Variants in GANC observed in about 807,000 individuals in gnomAD.
GANC encodes the protein neutral alpha-glucosidase C.
GANC carries 117 observed loss-of-function variants against 124.2 expected under a neutral mutation model. The ratio of observed to expected loss-of-function variants is 0.94; its 90% CI spans 0.81 to 1.10. The LOEUF is 1.10. Ranked by LOEUF, GANC falls within the 50% of genes least tolerant of loss-of-function variation. The pLI is 0.00. For missense variants in GANC, 1,140 were observed against 1,095.0 expected (o/e 1.04, Z -0.58); for synonymous variants, 377 against 376.8 (o/e 1.00, Z -0.01).
chr15:42,302,107 G>A (rs1437154330), intron 6 of GANC, among the ~76,000 whole-genome samples: 19 of 152,150 alleles, frequency 1.2e-4, no homozygotes, highest in Admixed American at 1.0e-3. Context: ...GGAGAGCTCC[G>A]GCTGGCATCT....
At position 42,352,172 on chromosome 15, in the gene GANC, C is replaced by T. The variant is rs770214298; in HGVS notation, c.*33C>T. 6.2e-7 allele frequency: 1 copy of T among 1,610,784 alleles called. No individual in the cohort carries two copies. Among genetic ancestry groups the T allele is most frequent in the Non-Finnish European group, 8.5e-7 (1 of 1,177,766 alleles). ...CTGCCCCTGGTGATGTGAGCAGGGA[C>T]CTGCCTGCCCCTTTCAACCTTTCCC... On this transcript the variant is annotated 3_prime_UTR_variant, in exon 24 of 24. Coordinates refer to ENST00000318010, the MANE Select transcript of GANC (RefSeq NM_198141.3).
intron 23 of GANC, among the ~76,000 whole-genome samples, chr15:42,351,688 A>G (rs944130219): frequency 6.6e-6 from 1 of 152,180 alleles, no homozygotes; most frequent in African/African-American, 2.4e-5. Context: ...TTCTCTGAAT[A>G]TTTGTTTAAA....
chr15:42,305,091 A>G (rs1385309495), intron 6 of GANC, among the ~76,000 whole-genome samples: 1 of 152,256 alleles, frequency 6.6e-6, no homozygotes, highest in East Asian at 1.9e-4. Context: ...AATAGCAACA[A>G]AAGCCAAAAT....
chr15:42,332,362 G>A (rs559186635), intron 15 of GANC, among the ~76,000 whole-genome samples: 18 of 151,840 alleles, frequency 1.2e-4, no homozygotes, highest in Non-Finnish European at 2.2e-4. Flanking sequence ...ACATTTACCA[G>A]CAACAGTTAA....
At chr15:42,309,235 C>T (rs1320467779) in intron 8 of GANC, among the ~76,000 whole-genome samples, 13 of 152,160 alleles carry the variant, frequency 8.5e-5, no homozygotes, top group Admixed American at 8.5e-4. Flanking sequence ...CTGTGCTGCT[C>T]TCACACTGAT....
intron 7 of GANC, among the ~76,000 whole-genome samples, chr15:42,307,945 G>C (rs1194532188): frequency 2.0e-5 from 3 of 152,168 alleles, no homozygotes; most frequent in Non-Finnish European, 4.4e-5. Flanking sequence ...ATATAGAGAC[G>C]AGATTTACTG....
intron 2 of GANC, among the ~76,000 whole-genome samples, chr15:42,278,265 T>C (rs1294490043): frequency 6.6e-6 from 1 of 152,204 alleles, no homozygotes; most frequent in African/African-American, 2.4e-5. Flanking sequence ...AACGTTATAA[T>C]AATCAATTGT....
chr15:42,332,300 A>T (rs1262054889), intron 15 of GANC, among the ~76,000 whole-genome samples: 1 of 152,174 alleles, frequency 6.6e-6, no homozygotes, highest in African/African-American at 2.4e-5. Context: ...TTATTTTACA[A>T]ATTGTCTACA....
intron 17 of GANC, 59 bp from the exon 18 acceptor site, chr15:42,340,631 T>G (rs1595784166): frequency 4.9e-6 from 6 of 1,216,076 alleles, no homozygotes; most frequent in Non-Finnish European, 3.5e-6. Context: ...AAAATATAAG[T>G]GATTGATTGC....
chr15:42,350,621 C>G (rs987226800), intron 22 of GANC, among the ~76,000 whole-genome samples: 1 of 144,942 alleles, frequency 6.9e-6, no homozygotes, highest in African/African-American at 2.6e-5. Flanking sequence ...GGCATGATCT[C>G]AGCTCACTGC....
chr15:42,283,970 G>A, intron 3 of GANC: 1 of 702,594 alleles, frequency 1.4e-6, no homozygotes, highest in South Asian at 1.5e-5. Context: ...TGCAACTGTA[G>A]AAGGGACAAT....
intron 6 of GANC, among the ~76,000 whole-genome samples, chr15:42,302,580 C>T (rs1490553590): frequency 1.3e-5 from 2 of 151,888 alleles, no homozygotes; most frequent in Non-Finnish European, 2.9e-5. Flanking sequence ...ATGTTCTAAC[C>T]CAATGCAAGG....
chr15:42,283,902 A>G lies in GANC; in HGVS notation c.202-3789A>G, dbSNP rs2051760293. 3 of 702,534 alleles carry G rather than the reference A, an allele frequency of 4.3e-6. No individual in the cohort carries two copies. The Admixed American group carries it at 6.0e-5, about 14-fold the overall frequency. The allele number at this position is 702,534 out of a possible 1,614,324, so 43.5% of individuals were successfully genotyped here. A position where few individuals can be genotyped will look rare whatever the true frequency, so the allele number is the denominator to read the frequency against. Reference sequence around the variant, plus strand: ...GTCCTTGGGGAACAGGCCAGTGCCCAGCGTGAGGTTGCCAGTATTCTTTGT... The same window carrying G: ...GTCCTTGGGGAACAGGCCAGTGCCCGGCGTGAGGTTGCCAGTATTCTTTGT... On this transcript the variant is annotated intron_variant, in intron 3 of 23. Transcript: ENST00000318010.
intron 6 of GANC, 28 bp from the exon 7 acceptor site, chr15:42,306,518 C>G (rs766088478): frequency 1.3e-6 from 2 of 1,581,536 alleles, no homozygotes; most frequent in Non-Finnish European, 8.6e-7. Flanking sequence ...TTTGTAAACT[C>G]AGTTTGCTCC....
intron 10 of GANC, among the ~76,000 whole-genome samples, chr15:42,311,999 C>G (rs1296128159): frequency 6.6e-6 from 1 of 152,120 alleles, no homozygotes. Context: ...ACACTGAAAA[C>G]TATAAAACAT....
chr15:42,286,365 T>C (rs968116485), intron 3 of GANC, among the ~76,000 whole-genome samples: 1 of 152,188 alleles, frequency 6.6e-6, no homozygotes, highest in Non-Finnish European at 1.5e-5. Context: ...ATTGCAATAA[T>C]AGATGCCAAA....
chr15:42,298,482 G>C (rs1256888781), intron 6 of GANC, among the ~76,000 whole-genome samples: 3 of 152,146 alleles, frequency 2.0e-5, no homozygotes, highest in Non-Finnish European at 2.9e-5. Context: ...CTTCTTCCAA[G>C]CCATGTTAAC....
rs79534701 is a variant in GANC at position 42,291,860 on chromosome 15, T to G, written c.330-875T>G. Among the ~76,000 whole-genome samples, 1,358 of 152,238 alleles carry G rather than the reference T, an allele frequency of 8.9e-3. 15 individuals carry two copies. The highest frequency in any genetic ancestry group is 0.031 in the African/African-American group (1,298 of 41,536). On this transcript the variant is annotated intron_variant, in intron 4 of 23. Transcript: ENST00000318010. ...ATCATCAAAAGAACTCTGTCTGGGT[T>G]CAATGGATAGTGAGAGACAGCCTCT...
At position 42,352,069 on chromosome 15, in the gene GANC, A is replaced by C; in HGVS notation, c.2675A>C (p.Lys892Thr). The C allele has an allele frequency of 6.2e-7, 1 of 1,614,188 alleles. No homozygotes were observed. The highest frequency in any genetic ancestry group is 8.5e-7 in the Non-Finnish European group (1 of 1,180,020). ...CCTGTGGCTTTTACGTATTGTGCCA[A>C]AACATCCATCCTGAGCCTGGAGAAG... ...DQPVAFTYCA[K>T]TSILSLEKLS... Residue 892 changes from lysine to threonine, a missense_variant, in exon 24 of 24, where the codon AAA becomes ACA. Physicochemically the swap from Lys to Thr is moderately conservative, Grantham distance 78 (BLOSUM62 -1). Coordinates refer to ENST00000318010, the MANE Select transcript of GANC (RefSeq NM_198141.3).
Sources: gnomAD v4.1 joint callset for allele counts (sites outside exome capture counted in the v4.1 genomes callset) on GRCh38, gnomAD v4.1.1 for gene constraint, MANE v1.5 for transcripts, NCBI Gene and HGNC (gene_info 2026-07-23, HGNC 2026-07-21) for gene names.